The following CADPS variants were observed in gnomAD, a reference collection of about 807,000 sequenced individuals.
The protein encoded by CADPS is calcium dependent secretion activator, also known as calcium-dependent secretion activator 1.
In CADPS, 57 loss-of-function variants were observed where a neutral mutation model predicts 167.3. The observed-to-expected ratio is 0.34, with a 90% CI of 0.28 to 0.42. The LOEUF (loss-of-function observed/expected upper bound fraction) is 0.42, where lower values mean the gene tolerates loss of function less well. Among genes scored for constraint, CADPS ranks in the 20% least tolerant of loss-of-function variants. CADPS has a pLI of 1.00. For missense variants in CADPS, 1,414 were observed against 1,738.1 expected (o/e 0.81, Z 3.32); for synonymous variants, 676 against 635.3 (o/e 1.06, Z -0.96).
intron 3 of CADPS, among the ~76,000 whole-genome samples, chr3:62,697,730 A>G (rs190847474): frequency 6.6e-6 from 1 of 152,146 alleles, no homozygotes; most frequent in Non-Finnish European, 1.5e-5. Context: ...CCAGTAGTGT[A>G]GAAGTCTTCT....
intron 6 of CADPS, among the ~76,000 whole-genome samples, chr3:62,599,006 G>A (rs2059308970): frequency 6.6e-6 from 1 of 152,132 alleles, no homozygotes; most frequent in Non-Finnish European, 1.5e-5. Context: ...TTTTGGTGGG[G>A]CCACACACCC....
intron 9 of CADPS, among the ~76,000 whole-genome samples, chr3:62,566,469 C>T (rs533614643): frequency 1.3e-5 from 2 of 152,306 alleles, no homozygotes; most frequent in African/African-American, 4.8e-5. Flanking sequence ...TGGACCAGCA[C>T]TGGTGGCCTT....
chr3:62,775,372 T>A (rs6785029), intron 1 of CADPS, among the ~76,000 whole-genome samples: 2 of 151,898 alleles, frequency 1.3e-5, no homozygotes, highest in East Asian at 1.9e-4. Context: ...TTTTATTTTT[T>A]AAAAATCATA....
intron 28 of CADPS, among the ~76,000 whole-genome samples, chr3:62,431,212 G>T (rs2053871820): frequency 6.6e-6 from 1 of 152,254 alleles, no homozygotes; most frequent in East Asian, 1.9e-4. Flanking sequence ...GTATGTGTGT[G>T]TCAAAGTCAC....
intron 26 of CADPS, among the ~76,000 whole-genome samples, chr3:62,451,833 A>C (rs1378746590): frequency 6.6e-6 from 1 of 152,028 alleles, no homozygotes; most frequent in Admixed American, 6.6e-5. Flanking sequence ...TCCCTTTTCC[A>C]CTTCCCTAAC....
At position 62,599,887 on chromosome 3, in the gene CADPS, AT is replaced by A. The variant is rs1376324375; in HGVS notation, c.1326-7140del. ...ATATATAATAATATATAATATATAT[AT>A]ATTATATATACCATATTATATATAA... On this transcript the variant is annotated intron_variant, in intron 6 of 29. Coordinates refer to ENST00000383710, the MANE Select transcript of CADPS (RefSeq NM_003716.4). Among the ~76,000 whole-genome samples the A allele has an allele frequency of 7.0e-3, 574 of 81,600 alleles. 9 individuals carry two copies. Among genetic ancestry groups the A allele is most frequent in the African/African-American group, 0.028 (548 of 19,508 alleles). 53.5% of individuals were successfully genotyped at this position (81,600 alleles called of 152,430 possible).
intron 8 of CADPS, among the ~76,000 whole-genome samples, chr3:62,572,871 C>A (rs1276490607): frequency 6.6e-6 from 1 of 152,062 alleles, no homozygotes; most frequent in Non-Finnish European, 1.5e-5. Context: ...CTAAGCACAT[C>A]CTCACATATA....
chr3:62,450,568 C>T (rs1179391684), intron 26 of CADPS, among the ~76,000 whole-genome samples: 1 of 152,204 alleles, frequency 6.6e-6, no homozygotes, highest in South Asian at 2.1e-4. Flanking sequence ...GGTAGGACAA[C>T]CCATATCTTT....
In CADPS at chr3:62,608,554, C is replaced by T. The variant is rs139797646; in HGVS notation, c.1326-15806G>A. Reference sequence around the variant, plus strand: ...TCGGCCTCCCAAAGTGCTGGGATTACAGGCATGAGCCACTGCACCCAGCTG... The same window carrying T: ...TCGGCCTCCCAAAGTGCTGGGATTATAGGCATGAGCCACTGCACCCAGCTG... On this transcript the variant is annotated intron_variant, in intron 6 of 29. Coordinates refer to ENST00000383710, the MANE Select transcript of CADPS (RefSeq NM_003716.4). Among the ~76,000 whole-genome samples, 793 of 152,268 alleles carry T rather than the reference C, an allele frequency of 5.2e-3. 7 individuals are homozygous for T. Among genetic ancestry groups the T allele is most frequent in the African/African-American group, 0.018 (734 of 41,554 alleles).
intron 6 of CADPS, chr3:62,625,488 G>A (rs1403209404): frequency 6.6e-6 from 1 of 150,640 alleles, no homozygotes; most frequent in Non-Finnish European, 1.5e-5. Context: ...CACTGGTTCA[G>A]GAGCTCTCTG....
chr3:62,624,004 T>A (rs972856375), intron 6 of CADPS, among the ~76,000 whole-genome samples: 1 of 152,006 alleles, frequency 6.6e-6, no homozygotes, highest in African/African-American at 2.4e-5. Flanking sequence ...TTTATAGTTA[T>A]AGATTTCTTT....
chr3:62,764,230 G>A (rs1354762367), intron 2 of CADPS, among the ~76,000 whole-genome samples: 1 of 152,112 alleles, frequency 6.6e-6, no homozygotes, highest in East Asian at 1.9e-4. Context: ...TTCATTCCCA[G>A]GCAGTTTCTA....
intron 6 of CADPS, among the ~76,000 whole-genome samples, chr3:62,613,488 A>G (rs919911908): frequency 1.3e-5 from 2 of 152,134 alleles, no homozygotes; most frequent in African/African-American, 4.8e-5. Flanking sequence ...GATTTCTCAG[A>G]GCCTTTATTA....
intron 8 of CADPS, among the ~76,000 whole-genome samples, chr3:62,580,790 T>C (rs1009512479): frequency 5.3e-5 from 8 of 152,172 alleles, no homozygotes; most frequent in African/African-American, 1.7e-4. Flanking sequence ...AGATTAGAAA[T>C]AGAAATTAAG....
At chr3:62,651,901 AT>A (rs573976195) in intron 4 of CADPS, among the ~76,000 whole-genome samples, 5 of 150,812 alleles carry the variant, frequency 3.3e-5, no homozygotes, top group South Asian at 2.1e-4. Context: ...TGACATTTTT[AT>A]TTTTTTTTGC....
At chr3:62,708,409 C>T (rs1299044475) in intron 3 of CADPS, among the ~76,000 whole-genome samples, 2 of 151,820 alleles carry the variant, frequency 1.3e-5, no homozygotes, top group Non-Finnish European at 2.9e-5. Context: ...TATATGCAAA[C>T]CCTTAATTTT....
intron 6 of CADPS, among the ~76,000 whole-genome samples, chr3:62,598,257 C>A (rs2059204182): frequency 6.6e-6 from 1 of 152,150 alleles, no homozygotes; most frequent in South Asian, 2.1e-4. Flanking sequence ...GATCCAATGT[C>A]ACCCCAGTCT....
intron 9 of CADPS, among the ~76,000 whole-genome samples, chr3:62,565,550 T>C (rs1362177469): frequency 6.6e-6 from 1 of 152,184 alleles, no homozygotes; most frequent in Non-Finnish European, 1.5e-5. Context: ...GTCTTCTGGA[T>C]GGCACCTTGG....
At chr3:62,827,387 C>A (rs986409078) in intron 1 of CADPS, among the ~76,000 whole-genome samples, 1 of 152,106 alleles carries the variant, frequency 6.6e-6, no homozygotes, top group Non-Finnish European at 1.5e-5. Flanking sequence ...ACTCACTATG[C>A]CAAAGACTAT....
Sources: gnomAD v4.1 joint callset for allele counts (sites outside exome capture counted in the v4.1 genomes callset) on GRCh38, gnomAD v4.1.1 for gene constraint, MANE v1.5 for transcripts, NCBI Gene and HGNC (gene_info 2026-07-23, HGNC 2026-07-21) for gene names.